The following CAMTA1 variants were observed in gnomAD, a reference collection of about 807,000 sequenced individuals.
CAMTA1 encodes the protein calmodulin-binding transcription activator 1.
A neutral mutation model predicts 170.9 loss-of-function variants in CAMTA1; 27 were observed. The ratio of observed to expected loss-of-function variants is 0.16; its 90% CI spans 0.12 to 0.22. The LOEUF is 0.22. Among genes scored for constraint, CAMTA1 ranks in the 10% least tolerant of loss-of-function variants. The probability of loss-of-function intolerance (pLI) is 1.00; values close to 1 mark genes in which losing one functional copy is unlikely to be tolerated. For missense variants in CAMTA1, 1,619 were observed against 2,217.2 expected (o/e 0.73, Z 5.42); for synonymous variants, 833 against 891.5 (o/e 0.93, Z 1.17).
At position 7,272,692 on chromosome 1, in the gene CAMTA1, C is replaced by CAAAAAAAAAAAAAAA. The variant is rs371588178; in HGVS notation, c.438+23076_438+23090dup. ...TCTGGGGCAACTGGATAAACACATG[C>CAAAAAAAAAAAAAAA]AAAAAAAAAAAAAAAAAAAAAAAAG... On this transcript the variant is annotated intron_variant, in intron 5 of 22. Coordinates refer to ENST00000303635, the MANE Select transcript of CAMTA1 (RefSeq NM_015215.4). Among the ~76,000 whole-genome samples the CAAAAAAAAAAAAAAA allele has an allele frequency of 5.8e-3, 223 of 38,780 alleles. 10 individuals carry two copies. The highest frequency in any genetic ancestry group is 0.012 in the East Asian group (11 of 910). 25.4% of individuals were successfully genotyped at this position (38,780 alleles called of 152,430 possible).
At chr1:7,655,117 T>TACACACACACCTCTATAC (rs568780846) in intron 7 of CAMTA1, among the ~76,000 whole-genome samples, 1 of 110,236 alleles carries the variant, frequency 9.1e-6, no homozygotes, top group East Asian at 2.6e-4. Flanking sequence ...CACACACCTA[T>TACACACACACCTCTATAC]ACACACACCT....
chr1:7,334,659 C>G (rs2083240514), intron 5 of CAMTA1, among the ~76,000 whole-genome samples: 3 of 152,132 alleles, frequency 2.0e-5, no homozygotes, highest in Admixed American at 2.0e-4. Context: ...CTAATTAAAG[C>G]TACAGATACG....
intron 4 of CAMTA1, among the ~76,000 whole-genome samples, chr1:7,097,390 T>C (rs945232177): frequency 2.0e-5 from 3 of 152,236 alleles, no homozygotes; most frequent in African/African-American, 2.4e-5. Context: ...CATGGGGTTC[T>C]TTGTCCTAGA....
chr1:7,604,198 T>G (rs566716781), intron 6 of CAMTA1, among the ~76,000 whole-genome samples: 1 of 152,338 alleles, frequency 6.6e-6, no homozygotes, highest in East Asian at 1.9e-4. Flanking sequence ...TTTGTGGCGT[T>G]CTCTGTATTT....
chr1:7,448,281 G>A (rs1229065408), intron 5 of CAMTA1, among the ~76,000 whole-genome samples: 1 of 152,236 alleles, frequency 6.6e-6, no homozygotes, highest in Admixed American at 6.5e-5. Context: ...GACACCTGCT[G>A]CCAGTGCCAC....
intron 3 of CAMTA1, among the ~76,000 whole-genome samples, chr1:6,987,428 G>C (rs2100339969): frequency 6.6e-6 from 1 of 152,322 alleles, no homozygotes; most frequent in Non-Finnish European, 1.5e-5. Context: ...GCCTCCCAAA[G>C]TGTTGGGATT....
At chr1:6,848,497 A>G (rs1026880565) in intron 3 of CAMTA1, among the ~76,000 whole-genome samples, 3 of 152,194 alleles carry the variant, frequency 2.0e-5, no homozygotes, top group Non-Finnish European at 4.4e-5. Flanking sequence ...TTTTTATTTT[A>G]TGCAGTTACC....
At chr1:6,818,524 G>A (rs1646098308) in intron 1 of CAMTA1, among the ~76,000 whole-genome samples, 1 of 152,180 alleles carries the variant, frequency 6.6e-6, no homozygotes, top group South Asian at 2.1e-4. Flanking sequence ...CTGCCTCAGA[G>A]AGAAGGAGAG....
At chr1:7,448,367 T>G (rs576781705) in intron 5 of CAMTA1, among the ~76,000 whole-genome samples, 1 of 152,280 alleles carries the variant, frequency 6.6e-6, no homozygotes, top group East Asian at 1.9e-4. Context: ...CGAACCTCCA[T>G]GTCCTGGAGG....
At chr1:7,259,557 G>A (rs967342060) in intron 5 of CAMTA1, among the ~76,000 whole-genome samples, 1 of 152,174 alleles carries the variant, frequency 6.6e-6, no homozygotes, top group Non-Finnish European at 1.5e-5. Context: ...TGCCAGTAGG[G>A]TCCTGCCTCA....
intron 7 of CAMTA1, among the ~76,000 whole-genome samples, chr1:7,645,556 T>A (rs542194355): frequency 7.9e-5 from 12 of 152,338 alleles, no homozygotes; most frequent in African/African-American, 2.9e-4. Flanking sequence ...CCTCTTGGAG[T>A]GCCCTGGCTG....
At chr1:7,530,760 T>A (rs1314501738) in intron 6 of CAMTA1, among the ~76,000 whole-genome samples, 1 of 151,090 alleles carries the variant, frequency 6.6e-6, no homozygotes, top group African/African-American at 2.4e-5. Flanking sequence ...TAGATCAGAA[T>A]GTGGATTTTT....
Position 7,585,278 on chromosome 1 carries a change from C to T in CAMTA1, c.511-55122C>T, listed in dbSNP as rs573048160. On this transcript the variant is annotated intron_variant, in intron 6 of 22. Transcript: ENST00000303635. The surrounding 1 kb of genome is among the most constrained non-coding windows in gnomAD (Gnocchi z 4.8). ...GCCAGGCAGAGTAAAGGAAGGGGTA[C>T]GGGAGGGTTGCGGATAGAGTAGCCA... 9.2e-5 allele frequency among the ~76,000 whole-genome samples: 14 copies of T among 151,620 alleles called. No homozygotes were observed. Among genetic ancestry groups the T allele is most frequent in the African/African-American group, 2.7e-4 (11 of 40,978 alleles).
Position 7,300,040 on chromosome 1 carries a change from A to C in CAMTA1, c.438+50414A>C, listed in dbSNP as rs529148509. Reference sequence around the variant, plus strand: ...CTTAAGTAATTATCATTTAGAATAAAGTCAGAAAATTGCTTGCTGTCTGTT... The same window carrying C: ...CTTAAGTAATTATCATTTAGAATAACGTCAGAAAATTGCTTGCTGTCTGTT... On this transcript the variant is annotated intron_variant, in intron 5 of 22. Coordinates refer to ENST00000303635, the MANE Select transcript of CAMTA1 (RefSeq NM_015215.4). The surrounding 1 kb of genome is among the most constrained non-coding windows in gnomAD (Gnocchi z 4.1). Among the ~76,000 whole-genome samples, 4 of 152,362 alleles carry C rather than the reference A, an allele frequency of 2.6e-5. No homozygotes were observed. Among genetic ancestry groups the C allele is most frequent in the African/African-American group, 9.6e-5 (4 of 41,586 alleles).
At chr1:7,655,767 A>G (rs924774030) in intron 7 of CAMTA1, among the ~76,000 whole-genome samples, 1 of 152,138 alleles carries the variant, frequency 6.6e-6, no homozygotes. Context: ...ATGTACAAAC[A>G]CCTATACACG....
chr1:7,697,091 C>G (rs2096384534), intron 11 of CAMTA1, among the ~76,000 whole-genome samples: 1 of 152,200 alleles, frequency 6.6e-6, no homozygotes. Context: ...TCCTGGCCAA[C>G]TCCCTCACAC....
intron 5 of CAMTA1, among the ~76,000 whole-genome samples, chr1:7,405,169 G>A (rs146158458): frequency 6.6e-6 from 1 of 151,986 alleles, no homozygotes; most frequent in East Asian, 1.9e-4. Context: ...CGTCCTCCAT[G>A]GAGTCTCTGC....
At chr1:7,494,740 A>G (rs1222754129) in intron 6 of CAMTA1, among the ~76,000 whole-genome samples, 3 of 152,112 alleles carry the variant, frequency 2.0e-5, no homozygotes, top group Non-Finnish European at 2.9e-5. Flanking sequence ...AGAAGTAGAG[A>G]TTGCAGTGAG....
chr1:7,461,089 G>A (rs373460175), intron 5 of CAMTA1, among the ~76,000 whole-genome samples: 3 of 152,208 alleles, frequency 2.0e-5, no homozygotes, highest in East Asian at 1.9e-4. Context: ...TGCCGCCCCC[G>A]CGGGTATTAT....
Sources: allele counts gnomAD v4.1 joint callset (sites outside exome capture counted in the v4.1 genomes callset), GRCh38; gene constraint gnomAD v4.1.1; non-coding constraint Gnocchi (gnomAD v3.1); transcripts MANE v1.5; gene names NCBI Gene and HGNC (gene_info 2026-07-23, HGNC 2026-07-21).